Variants in SLC36A1 observed in about 807,000 individuals in gnomAD.
The protein encoded by SLC36A1 is proton-coupled amino acid transporter 1.
SLC36A1 carries 30 observed loss-of-function variants against 47.5 expected under a neutral mutation model. That is an observed-to-expected ratio of 0.63 (90% confidence interval 0.47 to 0.86). SLC36A1 has a LOEUF of 0.86. Ranked by LOEUF, SLC36A1 falls within the 40% of genes least tolerant of loss-of-function variation. The probability of loss-of-function intolerance (pLI) is 0.00; values close to 1 mark genes in which losing one functional copy is unlikely to be tolerated. For synonymous variants in SLC36A1, 255 were observed against 249.7 expected, an observed-to-expected ratio of 1.02 and a Z score of -0.20; for missense variants, 517 against 606.0, an observed-to-expected ratio of 0.85 and a Z score of 1.54.
chr5:151,405,465 T>G, the SLC36A1 span, among the ~76,000 whole-genome samples: 1 of 151,596 alleles, frequency 6.6e-6, no homozygotes, highest in Non-Finnish European at 1.5e-5. Flanking sequence ...CTGCCTGCCT[T>G]GGCCTCCCAA....
the SLC36A1 span, chr5:151,534,345 C>A: frequency 3.7e-5 from 51 of 1,369,886 alleles, no homozygotes; most frequent in Non-Finnish European, 4.7e-5. Flanking sequence ...CAAAGGGGAC[C>A]AAACCCTTGC....
the SLC36A1 span, chr5:151,512,453 T>A: frequency 6.2e-7 from 1 of 1,614,218 alleles, no homozygotes; most frequent in Non-Finnish European, 8.5e-7. The surrounding 1 kb of genome is among the most constrained non-coding windows in gnomAD (Gnocchi z 4.1). Context: ...AGGGAGGTGT[T>A]GCCCATGCTG....
the SLC36A1 span, among the ~76,000 whole-genome samples, chr5:151,413,812 C>A: frequency 1.3e-5 from 2 of 152,074 alleles, no homozygotes; most frequent in South Asian, 4.1e-4. Context: ...CCTGTAGATT[C>A]ATTTCGGAAA....
chr5:151,527,347 T>A, the SLC36A1 span: 1 of 1,612,268 alleles, frequency 6.2e-7, no homozygotes, highest in South Asian at 1.1e-5. Flanking sequence ...CCACTGTCTG[T>A]GGCTCGGAGC....
At chr5:151,460,131 T>G (rs922529442) in intron 2 of SLC36A1, among the ~76,000 whole-genome samples, 2 of 152,082 alleles carry the variant, frequency 1.3e-5, no homozygotes, top group Non-Finnish European at 2.9e-5. Flanking sequence ...TCCTCCAACC[T>G]TATCAGCATT....
At chr5:151,540,255 C>T in the SLC36A1 span, among the ~76,000 whole-genome samples, 2 of 152,172 alleles carry the variant, frequency 1.3e-5, no homozygotes, top group Non-Finnish European at 2.9e-5. Context: ...TGGTCCCTGC[C>T]CCTGGGAGCT....
chr5:151,476,581 C>T lies in SLC36A1; in HGVS notation c.823-9C>T. On this transcript the variant is annotated splice_polypyrimidine_tract_variant and intron_variant, in intron 8 of 10. Transcript: ENST00000243389. ...GCACTTTCTCTCCTCTCTCACTACT[C>T]TCTCATAGGTTCTGCCCCTGGAAAA... The T allele has an allele frequency of 6.6e-7, 1 of 1,503,944 alleles. No homozygotes were observed. Among genetic ancestry groups the T allele is most frequent in the Non-Finnish European group, 8.9e-7 (1 of 1,123,918 alleles). 93.2% of individuals were successfully genotyped at this position (1,503,944 alleles called of 1,614,324 possible). A position where few individuals can be genotyped will look rare whatever the true frequency, so the allele number is the denominator to read the frequency against.
At chr5:151,483,712 T>C (rs1759148302) in intron 10 of SLC36A1, among the ~76,000 whole-genome samples, 1 of 152,186 alleles carries the variant, frequency 6.6e-6, no homozygotes, top group African/African-American at 2.4e-5. Flanking sequence ...TCATTTTCCA[T>C]GGTGGCAAAA....
At chr5:151,540,661 A>G in the SLC36A1 span, 2 of 1,614,058 alleles carry the variant, frequency 1.2e-6, no homozygotes, top group African/African-American at 1.3e-5. Flanking sequence ...TGTGACTCTG[A>G]GCAAGTACTT....
At chr5:151,385,009 A>AGAGAGAGT in the SLC36A1 span, among the ~76,000 whole-genome samples, 9 of 128,516 alleles carry the variant, frequency 7.0e-5, no homozygotes, top group South Asian at 2.3e-4. Flanking sequence ...AGAGAGAGAG[A>AGAGAGAGT]GTGTGTGTGT....
the SLC36A1 span, chr5:151,529,123 T>A: frequency 1.3e-6 from 2 of 1,491,128 alleles, no homozygotes; most frequent in East Asian, 2.3e-5. Context: ...GGGGGTGAGA[T>A]AAGAACCCAT....
chr5:151,416,675 C>T, the SLC36A1 span, among the ~76,000 whole-genome samples: 3 of 152,110 alleles, frequency 2.0e-5, no homozygotes, highest in African/African-American at 7.2e-5. Flanking sequence ...TGTCCCCTGG[C>T]TGCGGAGATA....
In SLC36A1 at chr5:151,491,602, C is replaced by A. The variant is rs952587401; in HGVS notation, c.*3348C>A. 6.6e-6 allele frequency: 1 copy of A among 152,628 alleles called. No homozygotes were observed. Among genetic ancestry groups the A allele is most frequent in the Non-Finnish European group, 1.5e-5 (1 of 68,042 alleles). 9.5% of individuals were successfully genotyped at this position (152,628 alleles called of 1,614,324 possible). On this transcript the variant is annotated 3_prime_UTR_variant, in exon 11 of 11. Transcript: ENST00000243389. Reference sequence around the variant, plus strand: ...TCGTATTTTTTGGAAGTGCAAAAATCTCAATTTGTGTCTGTTTACAGCTCT... The same window carrying A: ...TCGTATTTTTTGGAAGTGCAAAAATATCAATTTGTGTCTGTTTACAGCTCT...
At chr5:151,388,057 A>G in the SLC36A1 span, among the ~76,000 whole-genome samples, 1 of 152,228 alleles carries the variant, frequency 6.6e-6, no homozygotes, top group Non-Finnish European at 1.5e-5. Flanking sequence ...AAAAAAGTCT[A>G]CATTCTGTAG....
At chr5:151,539,329 G>T in the SLC36A1 span, among the ~76,000 whole-genome samples, 1 of 152,204 alleles carries the variant, frequency 6.6e-6, no homozygotes, top group Non-Finnish European at 1.5e-5. Context: ...TGTGTTGCAA[G>T]GTATGTGTCT....
the SLC36A1 span, among the ~76,000 whole-genome samples, chr5:151,523,243 G>A: frequency 6.6e-6 from 1 of 152,028 alleles, no homozygotes; most frequent in Non-Finnish European, 1.5e-5. Flanking sequence ...ATAATGTATA[G>A]CTAACATTAG....
the SLC36A1 span, chr5:151,347,353 T>C: frequency 1.2e-6 from 2 of 1,614,122 alleles, no homozygotes; most frequent in Non-Finnish European, 1.7e-6. Flanking sequence ...CATCCAAGAA[T>C]GTAGAGTCCT....
At chr5:151,392,775 T>C in the SLC36A1 span, among the ~76,000 whole-genome samples, 1 of 152,220 alleles carries the variant, frequency 6.6e-6, no homozygotes, top group Admixed American at 6.5e-5. Flanking sequence ...GACAGTTTGT[T>C]ATAATTTCTG....
chr5:151,416,922 A>G, the SLC36A1 span, among the ~76,000 whole-genome samples: 24 of 152,116 alleles, frequency 1.6e-4, no homozygotes, highest in Non-Finnish European at 2.6e-4. Flanking sequence ...ATGAGATCCT[A>G]TGGTTTTATA....
Sources: gnomAD v4.1 joint callset for allele counts (sites outside exome capture counted in the v4.1 genomes callset) on GRCh38, gnomAD v4.1.1 for gene constraint, Gnocchi (gnomAD v3.1) non-coding constraint, MANE v1.5 for transcripts, NCBI Gene and HGNC (gene_info 2026-07-23, HGNC 2026-07-21) for gene names.